Variants in TAGAP observed in about 807,000 individuals in gnomAD.
The protein encoded by TAGAP is T cell activation RhoGTPase activating protein.
A neutral mutation model predicts 36.0 loss-of-function variants in TAGAP; 16 were observed. That is an observed-to-expected ratio of 0.44 (90% CI 0.30 to 0.68). TAGAP has a LOEUF of 0.68. Ranked by LOEUF, TAGAP falls within the 30% of genes least tolerant of loss-of-function variation. The pLI, the probability that TAGAP is intolerant of heterozygous loss-of-function variation, is 0.09. For synonymous variants in TAGAP, 372 were observed against 377.4 expected (o/e 0.99, Z 0.17); for missense variants, 794 against 921.5 (o/e 0.86, Z 1.79).
At position 159,034,621 on chromosome 6, in the gene TAGAP, G is replaced by T. The variant is rs967802552; in HGVS notation, c.*1206C>A. The T allele has an allele frequency of 6.6e-6, 1 of 152,100 alleles. No individual in the cohort carries two copies. The highest frequency in any genetic ancestry group is 1.5e-5 in the Non-Finnish European group (1 of 68,010). 9.4% of individuals were successfully genotyped at this position (152,100 alleles called of 1,614,324 possible). A position where few individuals can be genotyped will look rare whatever the true frequency, so the allele number is the denominator to read the frequency against. ...GTACAAACATTTTACCATTATGTTT[G>T]CCAATAATTAAGCAAACTGAGCATC... is the stretch of plus-strand genomic sequence containing the variant. On this transcript the variant is annotated 3_prime_UTR_variant, in exon 10 of 10. Transcript: ENST00000367066.
In TAGAP at chr6:159,041,123, C is replaced by T. The variant is rs4709269; in HGVS notation, c.477+231G>A. 83,075 of 623,452 alleles carry T rather than the reference C, an allele frequency of 0.13. 9,997 individuals carry two copies. The highest frequency in any genetic ancestry group is 0.53 in the East Asian group (18,770 of 35,090). 38.6% of individuals were successfully genotyped at this position (623,452 alleles called of 1,614,324 possible). ...TCTGCCACGGAACAATCAAATTGCC[C>T]GTACTTGGCAAAGTTTTGGGAGAGC... On this transcript the variant is annotated intron_variant, in intron 6 of 9. Transcript: ENST00000367066. This position sits in a 1 kb window ranked among gnomAD's most constrained non-coding sequence, Gnocchi z 4.1.
Position 159,035,560 on chromosome 6 carries a change from A to G in TAGAP, c.*267T>C, listed in dbSNP as rs1779497939. The G allele has an allele frequency of 3.2e-6, 1 of 308,306 alleles. No homozygotes were observed. Among genetic ancestry groups the G allele is most frequent in the African/African-American group, 2.1e-5 (1 of 47,466 alleles). The allele number at this position is 308,306 out of a possible 1,614,324, so 19.1% of individuals were successfully genotyped here. ...CAGTGTACTTCACTGCAAGTTCAAA[A>G]CGTGTGCAGGGATTATTAGACATCC... On this transcript the variant is annotated 3_prime_UTR_variant, in exon 10 of 10. Transcript: ENST00000367066.
Position 159,042,097 on chromosome 6 carries a change from G to A in TAGAP, c.296C>T (p.Thr99Ile), listed in dbSNP as rs1167068546. Reference sequence around the variant, plus strand: ...GCCTACCTGGATGGGTCTGGGGAGTGTGTCACTGTCACCGCAGATAATTGA... The same window carrying A: ...GCCTACCTGGATGGGTCTGGGGAGTATGTCACTGTCACCGCAGATAATTGA... ...PLSIICGDSD[T>I]LPRPIQDILT... The change falls in exon 5 of 10, where the codon ACA becomes ATA. Residue 99 changes from threonine (T) to isoleucine (I), a missense_variant. Coordinates refer to ENST00000367066, the MANE Select transcript of TAGAP (RefSeq NM_054114.5). 2 of 1,614,184 alleles carry A rather than the reference G, an allele frequency of 1.2e-6. No individual in the cohort carries two copies. The highest frequency in any genetic ancestry group is 1.7e-6 in the Non-Finnish European group (2 of 1,180,024).
chr6:159,042,254 A>G lies in TAGAP; in HGVS notation c.149-10T>C, dbSNP rs140346727. ...TTTCTCTTCTTAACTTCTACAGCCA[A>G]GAAAACAAGGCAACGAGAAAAATTA... On this transcript the variant is annotated splice_polypyrimidine_tract_variant and intron_variant, in intron 4 of 9. Transcript: ENST00000367066. 6.2e-7 allele frequency: 1 copy of G among 1,603,074 alleles called. No homozygotes were observed. The highest frequency in any genetic ancestry group is 8.5e-7 in the Non-Finnish European group (1 of 1,176,332).
rs1204873333 is a variant in TAGAP at position 159,040,834 on chromosome 6, TG to T, written c.478-3del. The T allele has an allele frequency of 6.2e-7, 1 of 1,612,850 alleles. No individual in the cohort carries two copies. The highest frequency in any genetic ancestry group is 8.5e-7 in the Non-Finnish European group (1 of 1,178,820). ...CCGGGGGATACTTCTGAGGAAGTCC[TG>T]GGGGATGAGAGTGGGCTGTTGGCCT... On this transcript the variant is annotated splice_polypyrimidine_tract_variant and splice_region_variant and intron_variant, in intron 6 of 9. Coordinates refer to ENST00000367066, the MANE Select transcript of TAGAP (RefSeq NM_054114.5).
Position 159,036,372 on chromosome 6 carries a change from C to T in TAGAP, c.1651G>A (p.Gly551Ser). ...CACCCATTTTCCTGCACGATTCGGCCGGCAAGCTGGCTTTCCTTTCTGACA... is the reference window on the plus strand; with the variant it reads ...CACCCATTTTCCTGCACGATTCGGCTGGCAAGCTGGCTTTCCTTTCTGACA... Reference protein sequence around the residue: ...RGVRKESQLAGRIVQENGCET... With the variant: ...RGVRKESQLASRIVQENGCET... Residue 551 changes from glycine (G) to serine (S), a missense_variant, in exon 10 of 10, where the codon GGC (glycine) becomes AGC (serine). Physicochemically the swap from Gly to Ser is moderately conservative, Grantham distance 56. Transcript: ENST00000367066. This position sits in a 1 kb window ranked among gnomAD's most constrained non-coding sequence, Gnocchi z 4.9. The T allele has an allele frequency of 1.2e-6, 2 of 1,614,062 alleles. No homozygotes were observed. Among genetic ancestry groups the T allele is most frequent in the Non-Finnish European group, 1.7e-6 (2 of 1,180,002 alleles).
Position 159,038,110 on chromosome 6 carries a change from A to G in TAGAP, c.898+4T>C. On this transcript the variant is annotated splice_donor_region_variant and intron_variant, in intron 9 of 9. Transcript: ENST00000367066. Reference sequence around the variant, plus strand: ...TCGTAATCAAATGATAGCACATTCCATACCTGAACTGTCAGTGTGCTCCAG... The same window carrying G: ...TCGTAATCAAATGATAGCACATTCCGTACCTGAACTGTCAGTGTGCTCCAG... 3.2e-6 allele frequency: 5 copies of G among 1,581,650 alleles called. No homozygotes were observed. The highest frequency in any genetic ancestry group is 2.6e-6 in the Non-Finnish European group (3 of 1,151,474).
Position 159,041,263 on chromosome 6 carries a change from G to A in TAGAP, c.477+91C>T, listed in dbSNP as rs145168438. On this transcript the variant is annotated intron_variant, in intron 6 of 9. Coordinates refer to ENST00000367066, the MANE Select transcript of TAGAP (RefSeq NM_054114.5). This position sits in a 1 kb window ranked among gnomAD's most constrained non-coding sequence, Gnocchi z 4.1. ...AACTCCAAGATCAGTGTACCTTGCT[G>A]TGTGGGGAGAAGAGCCTATTTCTTG... 51 of 1,488,268 alleles carry A rather than the reference G, an allele frequency of 3.4e-5. 1 individual carries two copies. In the South Asian group the frequency reaches 6.1e-4, roughly 18 times the overall value. 92.2% of individuals were successfully genotyped at this position (1,488,268 alleles called of 1,614,324 possible).
In TAGAP at chr6:159,035,876, G is replaced by A. The variant is rs747793651; in HGVS notation, c.2147C>T (p.Pro716Leu). The A allele has an allele frequency of 2.5e-6, 4 of 1,610,562 alleles. No individual in the cohort carries two copies. Among genetic ancestry groups the A allele is most frequent in the Non-Finnish European group, 2.5e-6 (3 of 1,177,046 alleles). The change falls in exon 10 of 10, where the codon CCG becomes CTG. Residue 716 changes from proline (P) to leucine (L), a missense_variant. Physicochemically the swap from Pro to Leu is moderately conservative, Grantham distance 98 (BLOSUM62 -3). Transcript: ENST00000367066. ...RDCLVRRCSQ[P>L]VFEADQFQYA... ...TTGGAATTGGTCAGCCTCAAAGACC[G>A]GCTGGCTACATCGTCGCACGAGACA...
rs774139464 is a variant in TAGAP at position 159,042,246 on chromosome 6, T to C, written c.149-2A>G. Reference sequence around the variant, plus strand: ...GCACCTTCTTTCTCTTCTTAACTTCTACAGCCAAGAAAACAAGGCAACGAG... The same window carrying C: ...GCACCTTCTTTCTCTTCTTAACTTCCACAGCCAAGAAAACAAGGCAACGAG... On this transcript the variant is annotated splice_acceptor_variant, in intron 4 of 9. Coordinates refer to ENST00000367066, the MANE Select transcript of TAGAP (RefSeq NM_054114.5). LOFTEE classifies it high-confidence loss of function. 3 of 1,606,052 alleles carry C rather than the reference T, an allele frequency of 1.9e-6. No individual in the cohort carries two copies. Among genetic ancestry groups the C allele is most frequent in the African/African-American group, 2.7e-5 (2 of 74,238 alleles).
rs770707646 is a variant in TAGAP at position 159,035,886 on chromosome 6, A to C, written c.2137T>G (p.Cys713Gly). 1.2e-6 allele frequency: 2 copies of C among 1,611,458 alleles called. No individual in the cohort carries two copies. Among genetic ancestry groups the C allele is most frequent in the African/African-American group, 2.7e-5 (2 of 74,898 alleles). ...TCAGCCTCAAAGACCGGCTGGCTAC[A>C]TCGTCGCACGAGACAGTCCCGCTTA... The part of the protein sequence containing the change: ...RNKRDCLVRR[C>G]SQPVFEADQF... The change falls in exon 10 of 10, where the codon TGT becomes GGT. Residue 713 changes from cysteine (C) to glycine (G), a missense_variant. Physicochemically the swap from Cys to Gly is radical, Grantham distance 159 (BLOSUM62 -3). Coordinates refer to ENST00000367066, the MANE Select transcript of TAGAP (RefSeq NM_054114.5).
In TAGAP at chr6:159,037,272, AC is replaced by A. The variant is rs761810441; in HGVS notation, c.899-149del. 3 of 626,656 alleles carry A rather than the reference AC, an allele frequency of 4.8e-6. No individual in the cohort carries two copies. Among genetic ancestry groups the A allele is most frequent in the Non-Finnish European group, 7.3e-6 (3 of 409,664 alleles). The allele number at this position is 626,656 out of a possible 1,614,324, so 38.8% of individuals were successfully genotyped here. ...AGTGATGTGATCTCGGCTCACTGCA[AC>A]CTCTACCTCCCGGGTTCAAGTGATT... On this transcript the variant is annotated intron_variant, in intron 9 of 9. Coordinates refer to ENST00000367066, the MANE Select transcript of TAGAP (RefSeq NM_054114.5). The surrounding 1 kb of genome is among the most constrained non-coding windows in gnomAD (Gnocchi z 5.1).
chr6:159,043,878 A>G (rs1439064209), intron 3 of TAGAP, 100 bp downstream of exon 3: 2 of 1,129,216 alleles, frequency 1.8e-6, no homozygotes, highest in Non-Finnish European at 2.6e-6. Flanking sequence ...TTAGTTTACT[A>G]CTCTTATAAT....
At position 159,041,955 on chromosome 6, in the gene TAGAP, A is replaced by G. The variant is rs1779768260; in HGVS notation, c.315+123T>C. The G allele has an allele frequency of 2.7e-6, 3 of 1,102,274 alleles. No homozygotes were observed. In the Admixed American group the frequency reaches 7.0e-5, roughly 26 times the overall value. The allele number at this position is 1,102,274 out of a possible 1,614,324, so 68.3% of individuals were successfully genotyped here. On this transcript the variant is annotated intron_variant, in intron 5 of 9. Coordinates refer to ENST00000367066, the MANE Select transcript of TAGAP (RefSeq NM_054114.5). This position sits in a 1 kb window ranked among gnomAD's most constrained non-coding sequence, Gnocchi z 4.1. ...CGCGTATGTGGGAGTGCCATGTTGA[A>G]GAGTGGAAAATATGGAAGATCAGTC... is the stretch of plus-strand genomic sequence containing the variant.
intron 4 of TAGAP, 63 bp from the exon 5 acceptor site, chr6:159,042,307 A>T: frequency 6.4e-7 from 1 of 1,553,468 alleles, no homozygotes; most frequent in Non-Finnish European, 8.7e-7. Flanking sequence ...GCAAAGATCC[A>T]GGTAAGAAAA....
In TAGAP at chr6:159,037,911, A is replaced by G. The variant is rs1011144269; in HGVS notation, c.898+203T>C. 6.6e-6 allele frequency among the ~76,000 whole-genome samples: 1 copy of G among 152,296 alleles called. No individual in the cohort carries two copies. Among genetic ancestry groups the G allele is most frequent in the Non-Finnish European group, 1.5e-5 (1 of 68,016 alleles). On this transcript the variant is annotated intron_variant, in intron 9 of 9. Transcript: ENST00000367066. This position sits in a 1 kb window ranked among gnomAD's most constrained non-coding sequence, Gnocchi z 5.1. The stretch of plus-strand genomic sequence containing the variant: ...TGTACACTGGGAAGGGGGAAAGACT[A>G]TCTGTGGTCTGAGGAGGCGCTGCAG...
At chr6:159,044,253 C>A (rs908815149) in intron 1 of TAGAP, 49 bp from the exon 2 acceptor site, 20 of 1,158,854 alleles carry the variant, frequency 1.7e-5, no homozygotes, top group Non-Finnish European at 2.4e-5. Context: ...ACACAGTAGG[C>A]CACTTTCAGC....
rs1484415264 is a variant in TAGAP, at chr6:159,037,190, A to AT, written c.899-67dup. 2 of 1,331,110 alleles carry AT rather than the reference A, an allele frequency of 1.5e-6. No individual in the cohort carries two copies. Among genetic ancestry groups the AT allele is most frequent in the South Asian group, 3.4e-5 (2 of 59,634 alleles). The allele number at this position is 1,331,110 out of a possible 1,614,324, so 82.5% of individuals were successfully genotyped here. ...TATTTATTTATTTATTTTTATTTGT[A>AT]TTTTTTATTTTCATTTTTTGAGATG... is the stretch of plus-strand genomic sequence containing the variant. On this transcript the variant is annotated intron_variant, in intron 9 of 9. Coordinates refer to ENST00000367066, the MANE Select transcript of TAGAP (RefSeq NM_054114.5). This position sits in a 1 kb window ranked among gnomAD's most constrained non-coding sequence, Gnocchi z 5.1.
At position 159,041,994 on chromosome 6, in the gene TAGAP, T is replaced by G. The variant is rs868590141; in HGVS notation, c.315+84A>C. ...GGAAGATCAGTCCCTACAAACTTAA[T>G]AGGAGAATGACATTCAGATTTCCCG... On this transcript the variant is annotated intron_variant, in intron 5 of 9. Coordinates refer to ENST00000367066, the MANE Select transcript of TAGAP (RefSeq NM_054114.5). The surrounding 1 kb of genome is among the most constrained non-coding windows in gnomAD (Gnocchi z 4.1). 2.1e-6 allele frequency: 3 copies of G among 1,455,796 alleles called. No homozygotes were observed. The South Asian group carries it at 3.9e-5, about 19-fold the overall frequency. 90.2% of individuals were successfully genotyped at this position (1,455,796 alleles called of 1,614,324 possible). A position where few individuals can be genotyped will look rare whatever the true frequency, so the allele number is the denominator to read the frequency against.
Sources: allele counts gnomAD v4.1 joint callset (sites outside exome capture counted in the v4.1 genomes callset), GRCh38; gene constraint gnomAD v4.1.1; non-coding constraint Gnocchi (gnomAD v3.1); transcripts MANE v1.5; gene names NCBI Gene and HGNC (gene_info 2026-07-23, HGNC 2026-07-21).